Variants in SLC3A1 observed in about 807,000 individuals in gnomAD.
SLC3A1 encodes the protein amino acid transporter heavy chain SLC3A1.
In SLC3A1, 78 loss-of-function variants were observed where a neutral mutation model predicts 60.3. The ratio of observed to expected loss-of-function variants is 1.29; its 90% CI spans 1.08 to 1.56. The LOEUF is 1.56. Ranked by LOEUF, SLC3A1 falls within the 40% of genes most tolerant of loss-of-function variation. SLC3A1 has a pLI of 0.00. For missense variants in SLC3A1, 1,172 were observed against 858.9 expected, an observed-to-expected ratio of 1.36 and a Z score of -4.56; for synonymous variants, 392 against 307.9, an observed-to-expected ratio of 1.27 and a Z score of -2.86.
chr2:44,280,255 T>C (rs1173624383), intron 1 of SLC3A1, among the ~76,000 whole-genome samples: 1 of 152,182 alleles, frequency 6.6e-6, no homozygotes, highest in Non-Finnish European at 1.5e-5. Context: ...TCTTTTTTTT[T>C]TGAGAAAGGG....
intron 6 of SLC3A1, among the ~76,000 whole-genome samples, chr2:44,301,672 G>C (rs899079930): frequency 1.9e-4 from 29 of 150,142 alleles, no homozygotes; most frequent in African/African-American, 7.2e-4. Context: ...CCGGGAAGCA[G>C]AGGTTGCAGC....
chr2:44,281,379 C>T lies in SLC3A1; in HGVS notation c.611-8C>T. 2 of 1,607,686 alleles carry T rather than the reference C, an allele frequency of 1.2e-6. No individual in the cohort carries two copies. The highest frequency in any genetic ancestry group is 2.2e-5 in the South Asian group (2 of 90,956). ...TCCCTAGCATTTGAAATGTCTTTTA[C>T]TCATTAGGTTTAAAATTAATCATCG... On this transcript the variant is annotated splice_polypyrimidine_tract_variant and splice_region_variant and intron_variant, in intron 2 of 9. Coordinates refer to ENST00000260649, the MANE Select transcript of SLC3A1 (RefSeq NM_000341.4).
chr2:44,312,955 A>C (rs1672336674), intron 8 of SLC3A1, among the ~76,000 whole-genome samples: 1 of 152,076 alleles, frequency 6.6e-6, no homozygotes, highest in Non-Finnish European at 1.5e-5. Context: ...CTTTGGAGCC[A>C]TACAACTAAA....
At position 44,321,272 on chromosome 2, in the gene SLC3A1, TTAA is replaced by T; in HGVS notation, c.*635_*637del. The T allele has an allele frequency of 8.5e-7, 1 of 1,170,782 alleles. No individual in the cohort carries two copies. The highest frequency in any genetic ancestry group is 1.4e-5 in the South Asian group (1 of 69,598). 72.5% of individuals were successfully genotyped at this position (1,170,782 alleles called of 1,614,324 possible). A position where few individuals can be genotyped will look rare whatever the true frequency, so the allele number is the denominator to read the frequency against. ...TTAATAACTTAAAAGTCTCAAGTTA[TTAA>T]TTTTTTTTTTGCTAACTCAATTGGA... On this transcript the variant is annotated 3_prime_UTR_variant, in exon 10 of 10. Transcript: ENST00000260649.
intron 6 of SLC3A1, 147 bp downstream of exon 6, chr2:44,301,274 G>C (rs1572804957): frequency 4.9e-6 from 5 of 1,019,130 alleles, no homozygotes. Context: ...TTGTACCAGG[G>C]CCTGCCATAT....
chr2:44,314,996 GTCT>G, intron 9 of SLC3A1: 1 of 144,554 alleles, frequency 6.9e-6, no homozygotes, highest in East Asian at 2.1e-4. Context: ...CAATGGTGTG[GTCT>G]TGGCTCACCG....
At chr2:44,293,085 C>T (rs1252663925) in intron 4 of SLC3A1, among the ~76,000 whole-genome samples, 1 of 151,944 alleles carries the variant, frequency 6.6e-6, no homozygotes, top group African/African-American at 2.4e-5. Context: ...CTGTGAATCC[C>T]AGGTTTCAGA....
chr2:44,275,539 G>T lies in SLC3A1; in HGVS notation c.4G>T (p.Ala2Ser). Residue 2 changes from alanine to serine, a missense_variant, in exon 1 of 10, where the codon GCT becomes TCT. Coordinates refer to ENST00000260649, the MANE Select transcript of SLC3A1 (RefSeq NM_000341.4). ...CGAAGACATAAGTCGGTGAGACATG[G>T]CTGAAGATAAAAGCAAGAGAGACTC... M[A>S]EDKSKRDSIE... The T allele has an allele frequency of 6.2e-7, 1 of 1,613,896 alleles. No individual in the cohort carries two copies. The highest frequency in any genetic ancestry group is 8.5e-7 in the Non-Finnish European group (1 of 1,179,912).
At chr2:44,311,849 C>T (rs992658030) in intron 7 of SLC3A1, among the ~76,000 whole-genome samples, 9 of 152,128 alleles carry the variant, frequency 5.9e-5, no homozygotes, top group Admixed American at 5.9e-4. Flanking sequence ...TTTCTCAGAG[C>T]TTGTTTCCTC....
At chr2:44,287,498 A>T (rs1671645332) in intron 4 of SLC3A1, among the ~76,000 whole-genome samples, 1 of 152,186 alleles carries the variant, frequency 6.6e-6, no homozygotes, top group South Asian at 2.1e-4. Context: ...TTAAATTTTA[A>T]ATGAATGATG....
At chr2:44,309,168 T>G (rs1672231040) in intron 7 of SLC3A1, among the ~76,000 whole-genome samples, 2 of 152,192 alleles carry the variant, frequency 1.3e-5, no homozygotes, top group South Asian at 4.1e-4. Context: ...TTCTAGAACT[T>G]TTATCATCCC....
intron 6 of SLC3A1, among the ~76,000 whole-genome samples, chr2:44,303,581 CTTA>C (rs1672072883): frequency 6.6e-6 from 1 of 151,430 alleles, no homozygotes. Context: ...ATTTTTCTGC[CTTA>C]TTTTTTATTA....
At chr2:44,286,693 C>T (rs998678527) in intron 4 of SLC3A1, among the ~76,000 whole-genome samples, 4 of 128,538 alleles carry the variant, frequency 3.1e-5, no homozygotes, top group East Asian at 4.8e-4. Flanking sequence ...CTGTGCGGTG[C>T]CTGTGACTGA....
At chr2:44,319,803 G>C (rs1672770979) in intron 9 of SLC3A1, 1 of 183,126 alleles carries the variant, frequency 5.5e-6, no homozygotes, top group Non-Finnish European at 1.2e-5. Context: ...AAATTCCTCA[G>C]AAGTCTGAGT....
intron 1 of SLC3A1, 129 bp from the exon 2 acceptor site, chr2:44,280,587 A>G (rs1474899994): frequency 4.3e-6 from 3 of 703,230 alleles, no homozygotes; most frequent in Non-Finnish European, 7.4e-6. Context: ...AATTATACTC[A>G]AATTCAACAA....
intron 4 of SLC3A1, among the ~76,000 whole-genome samples, chr2:44,289,804 G>T (rs1671697552): frequency 6.6e-6 from 1 of 151,666 alleles, no homozygotes; most frequent in African/African-American, 2.4e-5. Flanking sequence ...CTAATTTTTT[G>T]TATTTTTAGT....
At chr2:44,297,759 G>A (rs545234624) in intron 4 of SLC3A1, among the ~76,000 whole-genome samples, 4 of 152,168 alleles carry the variant, frequency 2.6e-5, no homozygotes, top group South Asian at 2.1e-4. Context: ...ACCACCACAC[G>A]CAGCTAATTT....
Position 44,285,783 on chromosome 2 carries a change from A to G in SLC3A1, c.766-249A>G, listed in dbSNP as rs987802502. The G allele has an allele frequency of 4.7e-6, 3 of 644,152 alleles. No homozygotes were observed. In the African/African-American group the frequency reaches 5.4e-5, roughly 12 times the overall value. 39.9% of individuals were successfully genotyped at this position (644,152 alleles called of 1,614,324 possible). ...TTGACCTTGTCTTGGGTTTGAGAAC[A>G]TTGGTTTGCTGTTGCAGTTGTTACA... On this transcript the variant is annotated intron_variant, in intron 3 of 9. Transcript: ENST00000260649.
downstream of SLC3A1, among the ~76,000 whole-genome samples, chr2:44,322,110 T>C (rs1673025371): frequency 6.6e-6 from 1 of 152,090 alleles, no homozygotes; most frequent in Non-Finnish European, 1.5e-5. Context: ...AGAGGCCGTA[T>C]GGAAAAGACT....
Sources: gnomAD v4.1 joint callset for allele counts (sites outside exome capture counted in the v4.1 genomes callset) on GRCh38, gnomAD v4.1.1 for gene constraint, MANE v1.5 for transcripts, NCBI Gene and HGNC (gene_info 2026-07-23, HGNC 2026-07-21) for gene names.